The following ZZEF1 variants were observed in gnomAD, a reference collection of about 807,000 sequenced individuals.
The protein encoded by ZZEF1 is zinc finger ZZ-type and EF-hand domain containing 1.
In ZZEF1, 157 loss-of-function variants were observed where a neutral mutation model predicts 342.8. The ratio of observed to expected loss-of-function variants is 0.46; its 90% confidence interval spans 0.40 to 0.52. The LOEUF is 0.52. Ranked by LOEUF, ZZEF1 falls within the 20% of genes least tolerant of loss-of-function variation. The pLI is 0.00. For synonymous variants in ZZEF1, 1,505 were observed against 1,429.1 expected (o/e 1.05, Z -1.20); for missense variants, 3,480 against 3,725.6 (o/e 0.93, Z 1.72).
intron 6 of ZZEF1, among the ~76,000 whole-genome samples, chr17:4,108,846 A>G (rs1403093922): frequency 6.6e-6 from 1 of 152,244 alleles, no homozygotes; most frequent in African/African-American, 2.4e-5. Flanking sequence ...TCAGAGCAGC[A>G]GTGTTATTTG....
intron 6 of ZZEF1, among the ~76,000 whole-genome samples, chr17:4,109,191 A>C (rs2058257201): frequency 6.6e-6 from 1 of 152,226 alleles, no homozygotes; most frequent in Non-Finnish European, 1.5e-5. Flanking sequence ...ACTTCAGGAA[A>C]GGTCACAACA....
At chr17:4,086,395 C>T (rs933582905) in intron 15 of ZZEF1, 91 bp downstream of exon 15, 4 of 1,337,272 alleles carry the variant, frequency 3.0e-6, no homozygotes, top group Non-Finnish European at 4.1e-6. Flanking sequence ...TTCTGGCTCG[C>T]ATCATCGTAG....
intron 45 of ZZEF1, 28 bp from the exon 46 acceptor site, chr17:4,019,797 G>A: frequency 5.1e-6 from 8 of 1,562,440 alleles, no homozygotes; most frequent in Non-Finnish European, 7.0e-6. Context: ...ACGCAGACAA[G>A]AACCATTAAC....
rs1481473028 is a variant in ZZEF1 at position 4,091,983 on chromosome 17, G to A, written c.1914-1153C>T. Among the ~76,000 whole-genome samples, 4 of 151,890 alleles carry A rather than the reference G, an allele frequency of 2.6e-5. No individual in the cohort carries two copies. In the East Asian group the frequency reaches 7.8e-4, roughly 30 times the overall value. ...CCCAGCTACTCGGGAGGCTCAGGCA[G>A]GGGAATTGCTTGAACCCAGGAGGCG... On this transcript the variant is annotated intron_variant, in intron 11 of 54. Coordinates refer to ENST00000381638, the MANE Select transcript of ZZEF1 (RefSeq NM_015113.4).
In ZZEF1 at chr17:4,092,830, T is replaced by G. The variant is rs569844594; in HGVS notation, c.1914-2000A>C. On this transcript the variant is annotated intron_variant, in intron 11 of 54. Transcript: ENST00000381638. ...AGAGAACAGAGAGAAGCAATCTTGT[T>G]CCCTACACTGCACTACATAGTAGGC... Among the ~76,000 whole-genome samples, 9 of 152,192 alleles carry G rather than the reference T, an allele frequency of 5.9e-5. No homozygotes were observed. The South Asian group carries it at 1.9e-3, about 32-fold the overall frequency.
intron 10 of ZZEF1, 79 bp from the exon 11 acceptor site, chr17:4,096,058 C>T: frequency 1.4e-6 from 2 of 1,467,286 alleles, no homozygotes; most frequent in Non-Finnish European, 1.8e-6. Context: ...TGGTTAAATT[C>T]AAACAGGTTA....
chr17:4,083,389 G>A (rs1355191858), intron 16 of ZZEF1, among the ~76,000 whole-genome samples: 1 of 152,208 alleles, frequency 6.6e-6, no homozygotes, highest in Non-Finnish European at 1.5e-5. Context: ...CAGGTCAGCT[G>A]ATGCTGTCAA....
At chr17:4,069,325 C>T (rs1005766762) in intron 26 of ZZEF1, among the ~76,000 whole-genome samples, 1 of 152,162 alleles carries the variant, frequency 6.6e-6, no homozygotes, top group Non-Finnish European at 1.5e-5. Context: ...ATCACCCCCT[C>T]GATTCCTCAG....
Position 4,104,699 on chromosome 17 carries a change from GC to G in ZZEF1, c.1506del (p.Gln503SerfsTer28). 1 of 1,614,162 alleles carries G rather than the reference GC, an allele frequency of 6.2e-7. No individual in the cohort carries two copies. Among genetic ancestry groups the G allele is most frequent in the South Asian group, 1.1e-5 (1 of 91,080 alleles). On this transcript the variant is annotated frameshift_variant, in exon 8 of 55. Coordinates refer to ENST00000381638, the MANE Select transcript of ZZEF1 (RefSeq NM_015113.4). LOFTEE classifies it high-confidence loss of function. ...SLCTITDHLD[T>X]QYDASSLILS... The stretch of plus-strand genomic sequence containing the variant: ...AAGATGAGGGATGAGGCATCATACT[GC>G]GTGTCCAGATGGTCAGTGATGGTGC...
chr17:4,081,507 T>G lies in ZZEF1; in HGVS notation c.2715-17A>C. On this transcript the variant is annotated splice_polypyrimidine_tract_variant and intron_variant, in intron 17 of 54. Coordinates refer to ENST00000381638, the MANE Select transcript of ZZEF1 (RefSeq NM_015113.4). ...TCCTTGTCACTGAAAGGATACAAAT[T>G]AGTCATGACACCTGGCTTCAGGAGA... The G allele has an allele frequency of 6.3e-7, 1 of 1,587,080 alleles. No homozygotes were observed. Among genetic ancestry groups the G allele is most frequent in the Non-Finnish European group, 8.7e-7 (1 of 1,155,968 alleles).
Position 4,104,710 on chromosome 17 carries a change from T to C in ZZEF1, c.1496A>G (p.His499Arg). The change falls in exon 8 of 55, where the codon CAT (histidine) becomes CGT (arginine). Residue 499 changes from histidine (H) to arginine (R), a missense_variant. Physicochemically the swap from His to Arg is conservative, Grantham distance 29. Coordinates refer to ENST00000381638, the MANE Select transcript of ZZEF1 (RefSeq NM_015113.4). ...VMSSLCTITD[H>R]LDTQYDASSL... ...TGAGGCATCATACTGCGTGTCCAGA[T>C]GGTCAGTGATGGTGCATAGAGAGCT... The C allele has an allele frequency of 6.2e-7, 1 of 1,614,168 alleles. No individual in the cohort carries two copies. Among genetic ancestry groups the C allele is most frequent in the South Asian group, 1.1e-5 (1 of 91,080 alleles).
intron 6 of ZZEF1, among the ~76,000 whole-genome samples, chr17:4,106,076 A>G (rs1467653333): frequency 6.6e-6 from 1 of 152,024 alleles, no homozygotes. Flanking sequence ...CAGCTTCCTG[A>G]GTAGCTAGGA....
intron 18 of ZZEF1, among the ~76,000 whole-genome samples, 165 bp downstream of exon 18, chr17:4,081,211 C>G (rs571868529): frequency 3.9e-5 from 6 of 152,094 alleles, no homozygotes; most frequent in African/African-American, 1.4e-4. Context: ...CACCCCAGCC[C>G]GGGTGACAGA....
Position 4,008,913 on chromosome 17 carries a change from C to T in ZZEF1, c.8775G>A (p.Thr2925=), listed in dbSNP as rs1413959386. The change falls in exon 54 of 55, where the codon ACG becomes ACA. Residue 2925 remains threonine (T), a synonymous_variant. Transcript: ENST00000381638. This position sits in a 1 kb window ranked among gnomAD's most constrained non-coding sequence, Gnocchi z 4.2. Reference sequence around the variant, plus strand: ...CCGCACAGCGGAGAAGGTGGTCGTCCGTGGTTAGGGCCAGCAGGTAATCCT... The same window carrying T: ...CCGCACAGCGGAGAAGGTGGTCGTCTGTGGTTAGGGCCAGCAGGTAATCCT... ...VLQDYLLALT[T]DDHLLRCAAQ... is the part of the protein sequence containing the mutation. 7.8e-6 allele frequency: 12 copies of T among 1,545,752 alleles called. No homozygotes were observed. The highest frequency in any genetic ancestry group is 2.4e-5 in the South Asian group (2 of 84,202).
intron 14 of ZZEF1, among the ~76,000 whole-genome samples, chr17:4,087,056 A>G (rs2057845383): frequency 6.6e-6 from 1 of 152,054 alleles, no homozygotes; most frequent in African/African-American, 2.4e-5. Context: ...TAATTTTTGT[A>G]TTTTTAGTAG....
intron 6 of ZZEF1, 149 bp from the exon 7 acceptor site, chr17:4,105,958 CTT>C: frequency 1.7e-6 from 1 of 598,204 alleles, no homozygotes; most frequent in African/African-American, 2.0e-5. Flanking sequence ...ACTGGCCCTT[CTT>C]TTTTTTTGAG....
At position 4,038,216 on chromosome 17, in the gene ZZEF1, T is replaced by C. The variant is rs147253629; in HGVS notation, c.6307-3924A>G. On this transcript the variant is annotated intron_variant, in intron 39 of 54. Coordinates refer to ENST00000381638, the MANE Select transcript of ZZEF1 (RefSeq NM_015113.4). Reference sequence around the variant, plus strand: ...GTGCTGCCGTGGGAGTGTGAACCGGTACAAACATTGCAGAAACTGTTTGGC... The same window carrying C: ...GTGCTGCCGTGGGAGTGTGAACCGGCACAAACATTGCAGAAACTGTTTGGC... 8.3e-4 allele frequency among the ~76,000 whole-genome samples: 127 copies of C among 152,296 alleles called. 1 individual carries two copies. The highest frequency in any genetic ancestry group is 1.4e-3 in the Non-Finnish European group (96 of 68,016).
chr17:4,044,147 G>C, intron 38 of ZZEF1, 77 bp downstream of exon 38: 1 of 1,523,560 alleles, frequency 6.6e-7, no homozygotes. Context: ...CAAGCTGTGT[G>C]CCACAAACAG....
chr17:4,059,134 A>AT (rs34838830), intron 31 of ZZEF1, 37 bp downstream of exon 31: 593,697 of 1,491,246 alleles, frequency 0.4, 121,915 homozygotes, highest in African/African-American at 0.77. Flanking sequence ...AAAAAAATAC[A>AT]TTTTTTTTCT....
Sources: allele counts gnomAD v4.1 joint callset (sites outside exome capture counted in the v4.1 genomes callset), GRCh38; gene constraint gnomAD v4.1.1; non-coding constraint Gnocchi (gnomAD v3.1); transcripts MANE v1.5; gene names NCBI Gene and HGNC (gene_info 2026-07-23, HGNC 2026-07-21).